The following SMC6 variants were observed in gnomAD, a reference collection of about 807,000 sequenced individuals.
SMC6 encodes the protein structural maintenance of chromosomes 6.
Under a neutral mutation model 142.2 loss-of-function variants are expected in SMC6, and 79 were observed. The observed-to-expected ratio is 0.56, with a 90% CI of 0.46 to 0.67. The LOEUF (loss-of-function observed/expected upper bound fraction) is 0.67. Among genes scored for constraint, SMC6 ranks in the 30% least tolerant of loss-of-function variants. The probability of loss-of-function intolerance (pLI) is 0.00; values close to 1 mark genes in which losing one functional copy is unlikely to be tolerated. For synonymous variants in SMC6, 411 were observed against 412.4 expected (o/e 1.00, Z 0.04); for missense variants, 1,072 against 1,284.0 (o/e 0.83, Z 2.52).
intron 21 of SMC6, among the ~76,000 whole-genome samples, chr2:17,698,589 T>G (rs577736694): frequency 6.6e-6 from 1 of 152,090 alleles, no homozygotes; most frequent in Non-Finnish European, 1.5e-5. Flanking sequence ...TTCCATCCTT[T>G]TACTTTCAAC....
intron 14 of SMC6, 31 bp from the exon 15 acceptor site, chr2:17,716,295 A>G (rs778700406): frequency 3.8e-6 from 6 of 1,580,838 alleles, no homozygotes; most frequent in Admixed American, 3.8e-5. Flanking sequence ...AACAGAACAT[A>G]TATGTGATAG....
chr2:17,708,280 G>T (rs979456798), intron 17 of SMC6, among the ~76,000 whole-genome samples: 4 of 151,876 alleles, frequency 2.6e-5, no homozygotes, highest in African/African-American at 9.7e-5. Context: ...AAGATATCAA[G>T]CAAAATATTT....
intron 24 of SMC6, chr2:17,680,591 T>C (rs753212356): frequency 6.6e-6 from 1 of 152,196 alleles, no homozygotes. Context: ...GAATAGATGT[T>C]AGTAGGCAAG....
intron 24 of SMC6, 75 bp downstream of exon 24, chr2:17,683,563 G>T: frequency 1.5e-6 from 2 of 1,313,712 alleles, no homozygotes; most frequent in Non-Finnish European, 2.1e-6. Context: ...TGCTATAACA[G>T]AATTATATAA....
At chr2:17,709,110 A>T (rs1668692781) in intron 16 of SMC6, among the ~76,000 whole-genome samples, 1 of 152,098 alleles carries the variant, frequency 6.6e-6, no homozygotes, top group Admixed American at 6.6e-5. Flanking sequence ...CAACGTCATG[A>T]AGCTACTTAT....
chr2:17,685,672 T>C (rs1667422532), intron 23 of SMC6, among the ~76,000 whole-genome samples: 1 of 151,714 alleles, frequency 6.6e-6, no homozygotes, highest in South Asian at 2.1e-4. Context: ...AATTAGAACA[T>C]GTGGAAAAAG....
Position 17,665,467 on chromosome 2 carries a change from C to T in SMC6, c.*32G>A, listed in dbSNP as rs1666452143. 4.1e-6 allele frequency: 6 copies of T among 1,476,956 alleles called. No individual in the cohort carries two copies. Among genetic ancestry groups the T allele is most frequent in the Admixed American group, 1.9e-5 (1 of 52,166 alleles). 91.5% of individuals were successfully genotyped at this position (1,476,956 alleles called of 1,614,324 possible). On this transcript the variant is annotated 3_prime_UTR_variant, in exon 28 of 28. Transcript: ENST00000448223. Reference sequence around the variant, plus strand: ...ATTTTTTTTCCCTTCACAAATCCTTCAACATCAGGACAAGGCATGTTAAGT... The same window carrying T: ...ATTTTTTTTCCCTTCACAAATCCTTTAACATCAGGACAAGGCATGTTAAGT...
chr2:17,690,650 C>G (rs1406554364), intron 23 of SMC6, among the ~76,000 whole-genome samples: 1 of 151,776 alleles, frequency 6.6e-6, no homozygotes, highest in Non-Finnish European at 1.5e-5. Flanking sequence ...AATATATTAT[C>G]ACAAAATTAA....
intron 16 of SMC6, 84 bp from the exon 17 acceptor site, chr2:17,708,837 A>AT (rs1558351548): frequency 3.9e-5 from 12 of 307,836 alleles, no homozygotes; most frequent in African/African-American, 2.4e-4. Context: ...TATATATATA[A>AT]GAGTATATAT....
At chr2:17,697,258 TAACAATTAGAAA>T (rs1367647907) in intron 21 of SMC6, among the ~76,000 whole-genome samples, 2 of 148,556 alleles carry the variant, frequency 1.3e-5, no homozygotes, top group African/African-American at 5.0e-5. Context: ...ATAGAAAGCA[TAACAATTAGAAA>T]AAAAAAAGGG....
chr2:17,692,789 T>C (rs1018679762), intron 23 of SMC6, among the ~76,000 whole-genome samples: 3 of 152,108 alleles, frequency 2.0e-5, no homozygotes, highest in Non-Finnish European at 4.4e-5. Flanking sequence ...TGGGAGAACG[T>C]TTTTGCAATC....
Position 17,752,958 on chromosome 2 carries a change from A to G in SMC6, c.-6+20T>C. The G allele has an allele frequency of 1.1e-6, 1 of 943,708 alleles. No homozygotes were observed. Among genetic ancestry groups the G allele is most frequent in the Non-Finnish European group, 1.3e-6 (1 of 791,974 alleles). The allele number at this position is 943,708 out of a possible 1,614,324, so 58.5% of individuals were successfully genotyped here. A position where few individuals can be genotyped will look rare whatever the true frequency, so the allele number is the denominator to read the frequency against. Reference sequence around the variant, plus strand: ...GGCTCAAACACCAAATGATTGCTCTAAGAATTTTCACAGTATTACCTCAAA... The same window carrying G: ...GGCTCAAACACCAAATGATTGCTCTGAGAATTTTCACAGTATTACCTCAAA... On this transcript the variant is annotated intron_variant, in intron 2 of 27. Coordinates refer to ENST00000448223, the MANE Select transcript of SMC6 (RefSeq NM_001142286.2).
chr2:17,735,128 AACC>A (rs1394354363), intron 5 of SMC6, among the ~76,000 whole-genome samples: 1 of 152,204 alleles, frequency 6.6e-6, no homozygotes, highest in Non-Finnish European at 1.5e-5. Flanking sequence ...ACAAAAAAAA[AACC>A]ACTTCTGCAG....
intron 26 of SMC6, among the ~76,000 whole-genome samples, chr2:17,669,866 T>C (rs1013993076): frequency 1.3e-5 from 2 of 152,134 alleles, no homozygotes; most frequent in Non-Finnish European, 1.5e-5. Context: ...GAGGTAGGAA[T>C]TGGTAATAAT....
chr2:17,706,698 C>G (rs1486754274), intron 18 of SMC6, among the ~76,000 whole-genome samples: 1 of 152,068 alleles, frequency 6.6e-6, no homozygotes, highest in African/African-American at 2.4e-5. Flanking sequence ...GCTCATGAAT[C>G]TCTTAATAGT....
At chr2:17,714,541 T>A (rs1668986429) in intron 16 of SMC6, among the ~76,000 whole-genome samples, 1 of 152,212 alleles carries the variant, frequency 6.6e-6, no homozygotes, top group South Asian at 2.1e-4. Context: ...TTTAACTGTG[T>A]GTAATGGGTG....
At chr2:17,702,503 C>T (rs1668315226) in intron 19 of SMC6, among the ~76,000 whole-genome samples, 2 of 152,066 alleles carry the variant, frequency 1.3e-5, no homozygotes, top group South Asian at 4.2e-4. Context: ...CTCACAAAAT[C>T]TTTTTGGTTT....
intron 3 of SMC6, 102 bp downstream of exon 3, chr2:17,745,725 T>C (rs1670711846): frequency 7.9e-7 from 1 of 1,267,810 alleles, no homozygotes; most frequent in Non-Finnish European, 1.0e-6. Context: ...TTTTAAAAAA[T>C]CATATTACTT....
chr2:17,715,262 T>A (rs1669026743), intron 15 of SMC6, among the ~76,000 whole-genome samples, 197 bp from the exon 16 acceptor site: 1 of 152,178 alleles, frequency 6.6e-6, no homozygotes, highest in South Asian at 2.1e-4. Flanking sequence ...ATATTTTAAC[T>A]GAATGGGAAA....
Sources: gnomAD v4.1 joint callset for allele counts (sites outside exome capture counted in the v4.1 genomes callset) on GRCh38, gnomAD v4.1.1 for gene constraint, MANE v1.5 for transcripts, NCBI Gene and HGNC (gene_info 2026-07-23, HGNC 2026-07-21) for gene names.